The following SLC39A8 variants were observed in gnomAD, a reference collection of about 807,000 sequenced individuals.
SLC39A8 encodes the protein solute carrier family 39 member 8.
In SLC39A8, 15 loss-of-function variants were observed where a neutral mutation model predicts 40.4. The ratio of observed to expected loss-of-function variants is 0.37; its 90% CI spans 0.25 to 0.57. The LOEUF is 0.57. Ranked by LOEUF, SLC39A8 falls within the 20% of genes least tolerant of loss-of-function variation. The pLI is 0.75. For synonymous variants in SLC39A8, 223 were observed against 221.6 expected, an observed-to-expected ratio of 1.01 and a Z score of -0.06; for missense variants, 472 against 558.8, an observed-to-expected ratio of 0.84 and a Z score of 1.57.
intron 6 of SLC39A8, among the ~76,000 whole-genome samples, chr4:102,286,548 G>T (rs1228083382): frequency 7.2e-6 from 1 of 139,360 alleles, no homozygotes; most frequent in Non-Finnish European, 1.6e-5. Flanking sequence ...TCAAAGGCGA[G>T]ATAACGGTAG....
At chr4:102,253,148 A>G (rs1403109712) in exon 12 of SLC39A8, 3 of 244,548 alleles carry the variant, frequency 1.2e-5, no homozygotes, top group Non-Finnish European at 1.3e-5. Flanking sequence ...GAACTCAAAC[A>G]TGTCGTTTTT....
intron 6 of SLC39A8, 69 bp from the exon 7 acceptor site, chr4:102,268,148 G>A (rs879421150): frequency 6.5e-7 from 1 of 1,529,384 alleles, no homozygotes; most frequent in Non-Finnish European, 9.0e-7. Flanking sequence ...ACAAGTTGGA[G>A]ATGGGTTGTG....
At chr4:102,269,328 C>T (rs1184546267) in intron 6 of SLC39A8, among the ~76,000 whole-genome samples, 4 of 152,212 alleles carry the variant, frequency 2.6e-5, no homozygotes, top group Admixed American at 6.5e-5. Context: ...TTTACTATTT[C>T]GTTAGTGGCA....
intron 3 of SLC39A8, among the ~76,000 whole-genome samples, chr4:102,307,888 G>A (rs1447141213): frequency 6.6e-6 from 1 of 151,970 alleles, no homozygotes; most frequent in Non-Finnish European, 1.5e-5. Flanking sequence ...ATCTAGAACA[G>A]CGAACAGCGA....
At position 102,267,418 on chromosome 4, in the gene SLC39A8, A is replaced by G; in HGVS notation, c.1233+72T>C. ...CTGCGGAAAGCAGAAGGCCACCCTT[A>G]GTTAACTTATAATCCAGATACTCAT... On this transcript the variant is annotated intron_variant, in intron 8 of 8. Coordinates refer to ENST00000356736, the MANE Select transcript of SLC39A8 (RefSeq NM_001135146.2). The G allele has an allele frequency of 2.2e-6, 3 of 1,374,286 alleles. No individual in the cohort carries two copies. In the South Asian group the frequency reaches 4.6e-5, roughly 21 times the overall value. The allele number at this position is 1,374,286 out of a possible 1,614,324, so 85.1% of individuals were successfully genotyped here.
At chr4:102,253,699 T>A (rs1372905295) in intron 11 of SLC39A8, among the ~76,000 whole-genome samples, 2 of 152,164 alleles carry the variant, frequency 1.3e-5, no homozygotes, top group African/African-American at 2.4e-5. Context: ...TGAGACAATA[T>A]TAACATTTTA....
At chr4:102,326,921 T>TC (rs1450268829) in intron 2 of SLC39A8, among the ~76,000 whole-genome samples, 1 of 152,088 alleles carries the variant, frequency 6.6e-6, no homozygotes, top group Admixed American at 6.5e-5. Context: ...AGCATGTCCT[T>TC]CTTCTGCCCA....
chr4:102,267,809 A>C, intron 7 of SLC39A8, 63 bp downstream of exon 7: 2 of 1,579,534 alleles, frequency 1.3e-6, no homozygotes, highest in Non-Finnish European at 1.7e-6. Context: ...GTCACCTGAA[A>C]AGTCTCATTC....
At chr4:102,319,645 C>T (rs369593435) in intron 2 of SLC39A8, among the ~76,000 whole-genome samples, 8 of 152,178 alleles carry the variant, frequency 5.3e-5, no homozygotes, top group South Asian at 2.1e-4. Context: ...ACCCCTGCTC[C>T]TCCTTGGCTG....
chr4:102,298,399 G>C (rs1375582061), intron 6 of SLC39A8, among the ~76,000 whole-genome samples: 1 of 152,006 alleles, frequency 6.6e-6, no homozygotes, highest in East Asian at 1.9e-4. Context: ...CCTCATGATT[G>C]GCTATATCAT....
At chr4:102,251,807 A>G (rs1731598747) in exon 12 of SLC39A8, 1 of 152,272 alleles carries the variant, frequency 6.6e-6, no homozygotes, top group African/African-American at 2.4e-5. Flanking sequence ...ATTGATAGGG[A>G]GAATGGTATT....
At chr4:102,254,828 C>T (rs1176988132) in intron 11 of SLC39A8, among the ~76,000 whole-genome samples, 1 of 152,164 alleles carries the variant, frequency 6.6e-6, no homozygotes, top group Non-Finnish European at 1.5e-5. Flanking sequence ...ATTATTTCAA[C>T]ACCATTATTT....
rs190919836 is a variant in SLC39A8, at chr4:102,276,512, A to T, written c.841-8433T>A. ...AGTAATTAATAGTCTTAACAACCAA[A>T]AAAAGCCCAGGACTAGAGAGATTCA... On this transcript the variant is annotated intron_variant, in intron 6 of 8. Coordinates refer to ENST00000356736, the MANE Select transcript of SLC39A8 (RefSeq NM_001135146.2). 5.3e-5 allele frequency among the ~76,000 whole-genome samples: 8 copies of T among 152,300 alleles called. 1 individual carries two copies. Among genetic ancestry groups the T allele is most frequent in the African/African-American group, 1.9e-4 (8 of 41,558 alleles).
intron 2 of SLC39A8, among the ~76,000 whole-genome samples, chr4:102,326,246 G>A (rs1259962360): frequency 1.3e-5 from 2 of 152,332 alleles, no homozygotes; most frequent in East Asian, 3.9e-4. Flanking sequence ...TCAACTCAGG[G>A]CTGGGGAGTT....
chr4:102,323,533 C>A (rs1735053741), intron 2 of SLC39A8, among the ~76,000 whole-genome samples: 1 of 152,070 alleles, frequency 6.6e-6, no homozygotes, highest in Non-Finnish European at 1.5e-5. Context: ...AATGAGTATG[C>A]AATTAGTTGG....
exon 12 of SLC39A8, chr4:102,253,227 G>T: frequency 2.4e-6 from 1 of 411,862 alleles, no homozygotes; most frequent in Non-Finnish European, 4.3e-6. Flanking sequence ...GCTGCTCCAG[G>T]TGTCACACCT....
chr4:102,277,180 G>A (rs1158719060), intron 6 of SLC39A8, among the ~76,000 whole-genome samples: 1 of 152,128 alleles, frequency 6.6e-6, no homozygotes, highest in Admixed American at 6.5e-5. Context: ...ATTCAAATAG[G>A]AAAAGAGGTA....
downstream of SLC39A8, among the ~76,000 whole-genome samples, chr4:102,258,287 A>G (rs75109624): frequency 1.5e-3 from 223 of 152,168 alleles, 6 homozygotes; most frequent in East Asian, 0.032. Flanking sequence ...AGATATAATC[A>G]GTATATTAAC....
chr4:102,294,828 C>T (rs114213513), intron 6 of SLC39A8, among the ~76,000 whole-genome samples: 343 of 151,850 alleles, frequency 2.3e-3, no homozygotes, highest in African/African-American at 7.5e-3. Context: ...ATGACCAAAA[C>T]GCATATGAAA....
Sources: gnomAD v4.1 joint callset for allele counts (sites outside exome capture counted in the v4.1 genomes callset) on GRCh38, gnomAD v4.1.1 for gene constraint, MANE v1.5 for transcripts, NCBI Gene and HGNC (gene_info 2026-07-23, HGNC 2026-07-21) for gene names.